ALDH1A3: variants seen among roughly 807,000 people sequenced by gnomAD.
The protein encoded by ALDH1A3 is aldehyde dehydrogenase 1 family member A3.
In ALDH1A3, 28 loss-of-function variants were observed where a neutral mutation model predicts 57.5. That is an observed-to-expected ratio of 0.49 (90% CI 0.36 to 0.67). The LOEUF is 0.67. Ranked by LOEUF, ALDH1A3 falls within the 30% of genes least tolerant of loss-of-function variation. ALDH1A3 has a pLI of 0.00. For missense variants in ALDH1A3, 507 were observed against 669.4 expected, an observed-to-expected ratio of 0.76 and a Z score of 2.68; for synonymous variants, 281 against 264.8, an observed-to-expected ratio of 1.06 and a Z score of -0.59.
intron 10 of ALDH1A3, 52 bp downstream of exon 10, chr15:100,905,739 G>C (rs759685952): frequency 1.4e-6 from 2 of 1,477,930 alleles, no homozygotes; most frequent in Non-Finnish European, 1.8e-6. Flanking sequence ...TCAAACACGA[G>C]TCCTTCCCTA....
intron 12 of ALDH1A3, 192 bp from the exon 13 acceptor site, chr15:100,914,509 A>G (rs2041911614): frequency 1.9e-6 from 1 of 523,096 alleles, no homozygotes; most frequent in Non-Finnish European, 3.4e-6. Context: ...ATTTACATTT[A>G]AGTCACATAT....
chr15:100,880,310 G>A (rs892569614), intron 1 of ALDH1A3: 4 of 373,918 alleles, frequency 1.1e-5, no homozygotes. Context: ...TGCGCTGCCC[G>A]CTTTGATCGC....
At chr15:100,885,689 G>A (rs149519840) in intron 2 of ALDH1A3, among the ~76,000 whole-genome samples, 133 of 146,554 alleles carry the variant, frequency 9.1e-4, no homozygotes, top group African/African-American at 3.2e-3. Context: ...ATTTGGACCT[G>A]GAGGCATTAA....
chr15:100,892,792 A>G, intron 4 of ALDH1A3, 153 bp downstream of exon 4: 2 of 1,344,526 alleles, frequency 1.5e-6, no homozygotes, highest in Admixed American at 2.5e-5. Flanking sequence ...TAAGAACTTC[A>G]CTTTTAAAGT....
chr15:100,897,219 T>C (rs1247181269), intron 7 of ALDH1A3, among the ~76,000 whole-genome samples: 1 of 152,190 alleles, frequency 6.6e-6, no homozygotes, highest in Non-Finnish European at 1.5e-5. Context: ...CTTGCTGATG[T>C]TTAAAATGCG....
intron 1 of ALDH1A3, among the ~76,000 whole-genome samples, chr15:100,883,980 C>A (rs558837276): frequency 1.4e-4 from 21 of 152,316 alleles, no homozygotes; most frequent in African/African-American, 4.8e-4. Context: ...CAAAGTAAAG[C>A]TATGTATACC....
At chr15:100,902,797 G>T (rs4246323) in intron 9 of ALDH1A3, among the ~76,000 whole-genome samples, 3 of 152,180 alleles carry the variant, frequency 2.0e-5, no homozygotes, top group African/African-American at 7.2e-5. Flanking sequence ...GTTCCTACGG[G>T]CTCTCCAGGG....
At chr15:100,883,514 C>G (rs1264447765) in intron 1 of ALDH1A3, among the ~76,000 whole-genome samples, 1 of 152,228 alleles carries the variant, frequency 6.6e-6, no homozygotes, top group Non-Finnish European at 1.5e-5. Flanking sequence ...GTGACCGATG[C>G]TCTCAGTTCT....
At chr15:100,881,997 G>A (rs993409102) in intron 1 of ALDH1A3, among the ~76,000 whole-genome samples, 3 of 152,232 alleles carry the variant, frequency 2.0e-5, no homozygotes, top group African/African-American at 4.8e-5. Context: ...AGTGCCTGCC[G>A]AGGGAAGGAG....
At chr15:100,890,448 G>T (rs892911554) in intron 3 of ALDH1A3, among the ~76,000 whole-genome samples, 5 of 152,040 alleles carry the variant, frequency 3.3e-5, no homozygotes, top group Non-Finnish European at 5.9e-5. Context: ...ATCATGACCT[G>T]GGTTTTGCTC....
chr15:100,882,278 A>G (rs1465762103), intron 1 of ALDH1A3, among the ~76,000 whole-genome samples: 2 of 152,142 alleles, frequency 1.3e-5, no homozygotes, highest in Non-Finnish European at 2.9e-5. Flanking sequence ...TTAACATTTC[A>G]TTCTCTAGGG....
Position 100,893,244 on chromosome 15 carries a change from G to T in ALDH1A3, c.537+238G>T. 1 of 416,712 alleles carries T rather than the reference G, an allele frequency of 2.4e-6. No homozygotes were observed. 25.8% of individuals were successfully genotyped at this position (416,712 alleles called of 1,614,324 possible). ...AAGCACTGTGGTTCCCAGCCAGAGT[G>T]GTCAGGAATGGCCAGCATTCCCAGG... On this transcript the variant is annotated intron_variant, in intron 5 of 12. Coordinates refer to ENST00000329841, the MANE Select transcript of ALDH1A3 (RefSeq NM_000693.4). The surrounding 1 kb of genome is among the most constrained non-coding windows in gnomAD (Gnocchi z 4.8).
rs149106777 is a variant in ALDH1A3, at chr15:100,899,655, T to A, written c.884-920T>A. On this transcript the variant is annotated intron_variant, in intron 8 of 12. Coordinates refer to ENST00000329841, the MANE Select transcript of ALDH1A3 (RefSeq NM_000693.4). Reference sequence around the variant, plus strand: ...TCTGTTATCTCGGAGGAGGGGCAGTTCCAAGTTGGGACCTGGCCCAGCCAG... The same window carrying A: ...TCTGTTATCTCGGAGGAGGGGCAGTACCAAGTTGGGACCTGGCCCAGCCAG... Among the ~76,000 whole-genome samples the A allele has an allele frequency of 2.2e-4, 33 of 152,180 alleles. No homozygotes were observed. In the East Asian group the frequency reaches 5.4e-3, roughly 25 times the overall value.
chr15:100,902,289 A>G (rs1248739331), intron 9 of ALDH1A3, among the ~76,000 whole-genome samples: 1 of 152,242 alleles, frequency 6.6e-6, no homozygotes, highest in Non-Finnish European at 1.5e-5. Context: ...TCATCAGTGC[A>G]TTTATGCCAC....
chr15:100,908,892 C>G (rs527564848), intron 12 of ALDH1A3, among the ~76,000 whole-genome samples: 130 of 152,264 alleles, frequency 8.5e-4, no homozygotes, highest in African/African-American at 3.1e-3. Flanking sequence ...AAGGCTCCTA[C>G]CTGCTGGGTC....
At position 100,898,158 on chromosome 15, in the gene ALDH1A3, C is replaced by T. The variant is rs2041728254; in HGVS notation, c.856C>T (p.Pro286Ser). 1 of 1,613,986 alleles carries T rather than the reference C, an allele frequency of 6.2e-7. No homozygotes were observed. The highest frequency in any genetic ancestry group is 1.3e-5 in the African/African-American group (1 of 74,946). The change falls in exon 8 of 13, where the codon CCC (proline) becomes TCC (serine). Residue 286 changes from proline to serine, a missense_variant. Pro to Ser is a moderately conservative substitution (Grantham distance 74, BLOSUM62 -1). Coordinates refer to ENST00000329841, the MANE Select transcript of ALDH1A3 (RefSeq NM_000693.4). The stretch of plus-strand genomic sequence containing the variant: ...GACGCTGGAGCTGGGGGGGAAGAAC[C>T]CCTGCATCGTGTGTGCGGACGCTGA... The part of the protein sequence containing the change: ...RVTLELGGKN[P>S]CIVCADADLD...
At chr15:100,914,218 GT>G (rs2041909002) in intron 12 of ALDH1A3, 1 of 154,040 alleles carries the variant, frequency 6.5e-6, no homozygotes, top group African/African-American at 2.4e-5. Context: ...CTTCCCACTG[GT>G]CCTCTGGCCA....
rs1324563850 is a variant in ALDH1A3, at chr15:100,907,206, C to T, written c.1319C>T (p.Thr440Ile). 1.2e-6 allele frequency: 2 copies of T among 1,614,086 alleles called. No individual in the cohort carries two copies. Among genetic ancestry groups the T allele is most frequent in the Non-Finnish European group, 1.7e-6 (2 of 1,180,038 alleles). Reference protein sequence around the residue: ...KRANSTDYGLTAAVFTKNLDK... With the variant: ...KRANSTDYGLIAAVFTKNLDK... ...GCGAATAGCACCGACTATGGACTCA[C>T]AGCAGCCGTGTTCACAAAAAATCTC... is the stretch of plus-strand genomic sequence containing the variant. The change falls in exon 11 of 13, where the codon ACA (threonine) becomes ATA (isoleucine). Residue 440 changes from threonine to isoleucine, a missense_variant. Thr to Ile is a moderately conservative substitution (Grantham distance 89). Transcript: ENST00000329841.
At position 100,898,148 on chromosome 15, in the gene ALDH1A3, G is replaced by A; in HGVS notation, c.846G>A (p.Gly282=). Residue 282 remains glycine, a synonymous_variant, in exon 8 of 13, where the codon GGG becomes GGA. Coordinates refer to ENST00000329841, the MANE Select transcript of ALDH1A3 (RefSeq NM_000693.4). ...SNLKRVTLEL[G]GKNPCIVCAD... is the part of the protein sequence containing the mutation. ...TGAAGCGGGTGACGCTGGAGCTGGG[G>A]GGGAAGAACCCCTGCATCGTGTGTG... 1.9e-6 allele frequency: 3 copies of A among 1,614,182 alleles called. No homozygotes were observed. Among genetic ancestry groups the A allele is most frequent in the Non-Finnish European group, 2.5e-6 (3 of 1,180,000 alleles).
Sources: gnomAD v4.1 joint callset for allele counts (sites outside exome capture counted in the v4.1 genomes callset) on GRCh38, gnomAD v4.1.1 for gene constraint, Gnocchi (gnomAD v3.1) non-coding constraint, MANE v1.5 for transcripts, NCBI Gene and HGNC (gene_info 2026-07-23, HGNC 2026-07-21) for gene names.